MGAT4C: variants seen among roughly 807,000 people sequenced by gnomAD.
MGAT4C encodes the protein MGAT4 family member C, also known as alpha-1,3-mannosyl-glycoprotein 4-beta-N-acetylglucosaminyltransferase C.
MGAT4C carries 19 observed loss-of-function variants against 40.1 expected under a neutral mutation model. That is an observed-to-expected ratio of 0.47 (90% confidence interval 0.33 to 0.70). The LOEUF (loss-of-function observed/expected upper bound fraction) is 0.70. MGAT4C is among the 30% of genes least tolerant of loss of function. MGAT4C has a pLI of 0.02. For missense variants in MGAT4C, 491 were observed against 563.2 expected (o/e 0.87, Z 1.30); for synonymous variants, 181 against 187.1 (o/e 0.97, Z 0.27).
At chr12:86,838,488 A>G (rs1268075754) in intron 1 of MGAT4C, among the ~76,000 whole-genome samples, 3 of 152,146 alleles carry the variant, frequency 2.0e-5, no homozygotes, top group African/African-American at 7.2e-5. Context: ...ATATTCTACT[A>G]ATCTTCAGTA....
intron 2 of MGAT4C, among the ~76,000 whole-genome samples, chr12:86,535,976 TTATC>T (rs1488854156): frequency 3.9e-5 from 6 of 152,244 alleles, no homozygotes; most frequent in Admixed American, 2.0e-4. Context: ...ACTGATACGA[TTATC>T]TACTTAATTA....
intron 1 of MGAT4C, among the ~76,000 whole-genome samples, chr12:86,086,869 T>C (rs371294953): frequency 6.6e-6 from 1 of 152,018 alleles, no homozygotes; most frequent in African/African-American, 2.4e-5. Flanking sequence ...TCTCTATATT[T>C]CCCTGAGTTC....
intron 1 of MGAT4C, among the ~76,000 whole-genome samples, chr12:86,740,739 CTTA>C (rs576820808): frequency 2.6e-5 from 4 of 151,188 alleles, no homozygotes; most frequent in Admixed American, 6.6e-5. Context: ...TCGGTCTGGT[CTTA>C]TTCTTAATGA....
intron 2 of MGAT4C, among the ~76,000 whole-genome samples, chr12:86,488,174 T>C (rs910473673): frequency 6.6e-6 from 1 of 150,460 alleles, no homozygotes; most frequent in Non-Finnish European, 1.5e-5. Context: ...AGTGTGGACC[T>C]ACAACATAGT....
chr12:86,549,723 CA>C (rs1468488493), intron 2 of MGAT4C, among the ~76,000 whole-genome samples: 2 of 152,270 alleles, frequency 1.3e-5, no homozygotes, highest in East Asian at 3.9e-4. Flanking sequence ...TGAACCACGA[CA>C]ACCCATAGAC....
chr12:86,448,255 C>G (rs1403552600), intron 2 of MGAT4C, among the ~76,000 whole-genome samples: 1 of 152,140 alleles, frequency 6.6e-6, no homozygotes, highest in African/African-American at 2.4e-5. Context: ...GGAATCCTTT[C>G]CTTCTCAGCA....
At chr12:86,328,416 G>A (rs1954577431) in intron 4 of MGAT4C, among the ~76,000 whole-genome samples, 1 of 152,094 alleles carries the variant, frequency 6.6e-6, no homozygotes, top group Non-Finnish European at 1.5e-5. Flanking sequence ...CTATAGAAAA[G>A]TCTATGGAAT....
intron 2 of MGAT4C, among the ~76,000 whole-genome samples, chr12:86,587,526 T>C (rs1271923569): frequency 6.6e-6 from 1 of 151,986 alleles, no homozygotes; most frequent in Non-Finnish European, 1.5e-5. Flanking sequence ...ATTGAATCTA[T>C]AAATTACCTT....
Position 86,791,335 on chromosome 12 carries a change from T to C in MGAT4C, c.-262+47331A>G, listed in dbSNP as rs971619628. On this transcript the variant is annotated intron_variant, in intron 1 of 7. Transcript: ENST00000548651. ...GTTCCCATGATATATCCAAACACCA[T>C]CTTGGAAAGGACCAGATATCATACA... is the stretch of plus-strand genomic sequence containing the variant. Among the ~76,000 whole-genome samples, 8 of 152,116 alleles carry C rather than the reference T, an allele frequency of 5.3e-5. 1 individual carries two copies. The highest frequency in any genetic ancestry group is 4.2e-4 in the South Asian group (2 of 4,810).
At chr12:86,103,291 A>G (rs895567985) in intron 1 of MGAT4C, among the ~76,000 whole-genome samples, 2 of 152,200 alleles carry the variant, frequency 1.3e-5, no homozygotes, top group Non-Finnish European at 2.9e-5. Flanking sequence ...ATGAAATACA[A>G]TAAAGCAGAT....
chr12:86,560,624 A>C (rs1314461672), intron 2 of MGAT4C, among the ~76,000 whole-genome samples: 2 of 152,306 alleles, frequency 1.3e-5, no homozygotes, highest in East Asian at 3.9e-4. Flanking sequence ...AATTCAGCAT[A>C]GAAGATGCAT....
chr12:86,401,611 G>A (rs1365253403), intron 3 of MGAT4C, among the ~76,000 whole-genome samples: 1 of 151,992 alleles, frequency 6.6e-6, no homozygotes, highest in East Asian at 1.9e-4. Context: ...TAAGTTCTAA[G>A]AGAAGTTTTC....
At chr12:86,612,060 T>G (rs1962300226) in intron 2 of MGAT4C, among the ~76,000 whole-genome samples, 1 of 152,160 alleles carries the variant, frequency 6.6e-6, no homozygotes, top group Admixed American at 6.5e-5. Flanking sequence ...GCTCAGAATA[T>G]AATTCAAATT....
chr12:86,153,974 T>C (rs1164672440), intron 1 of MGAT4C, among the ~76,000 whole-genome samples: 1 of 152,142 alleles, frequency 6.6e-6, no homozygotes, highest in Non-Finnish European at 1.5e-5. Context: ...TATGATGTTA[T>C]AGATAAAAAC....
In MGAT4C at chr12:86,472,752, A is replaced by C. The variant is rs138316068; in HGVS notation, c.-228-37487T>G. ...TGTATTAGAAGCAGTTTTGAGTCTT[A>C]GTAGTCTTATAAAATTATGATTAAG... On this transcript the variant is annotated intron_variant, in intron 2 of 7. Transcript: ENST00000548651. Among the ~76,000 whole-genome samples, 502 of 152,280 alleles carry C rather than the reference A, an allele frequency of 3.3e-3. 1 individual carries two copies. Among genetic ancestry groups the C allele is most frequent in the African/African-American group, 0.011 (471 of 41,554 alleles).
chr12:86,374,382 A>AT (rs910005764), intron 3 of MGAT4C, among the ~76,000 whole-genome samples: 1 of 152,200 alleles, frequency 6.6e-6, no homozygotes, highest in South Asian at 2.1e-4. Flanking sequence ...AGTGACTTTT[A>AT]TTTTTTGTAC....
chr12:86,282,899 A>G (rs948658929), intron 4 of MGAT4C, among the ~76,000 whole-genome samples: 28 of 152,112 alleles, frequency 1.8e-4, no homozygotes, highest in Admixed American at 2.6e-4. Context: ...TTAGCAAAGC[A>G]TTTTGTTATA....
At chr12:86,581,763 G>A (rs7484560) in intron 2 of MGAT4C, among the ~76,000 whole-genome samples, 128,752 of 151,296 alleles carry the variant, frequency 0.85, 55,322 homozygotes, top group East Asian at 0.96. Context: ...AGCCACACAT[G>A]TTCACTAACA....
At chr12:86,617,257 C>CA (rs1176321430) in intron 2 of MGAT4C, among the ~76,000 whole-genome samples, 5 of 152,088 alleles carry the variant, frequency 3.3e-5, no homozygotes, top group Non-Finnish European at 7.4e-5. Context: ...AGTATTTGTG[C>CA]AATTTTAACA....
Sources: allele counts gnomAD v4.1 joint callset (sites outside exome capture counted in the v4.1 genomes callset), GRCh38; gene constraint gnomAD v4.1.1; transcripts MANE v1.5; gene names NCBI Gene and HGNC (gene_info 2026-07-23, HGNC 2026-07-21).